The following MYO3A variants were observed in gnomAD, a reference collection of about 807,000 sequenced individuals.
The protein encoded by MYO3A is myosin-IIIa.
Under a neutral mutation model 192.7 loss-of-function variants are expected in MYO3A, and 180 were observed. That is an observed-to-expected ratio of 0.93 (90% CI 0.83 to 1.06). The LOEUF is 1.06. MYO3A is among the 50% of genes least tolerant of loss of function. The pLI, the probability that MYO3A is intolerant of heterozygous loss-of-function variation, is 0.00. For synonymous variants in MYO3A, 628 were observed against 645.3 expected (o/e 0.97, Z 0.41); for missense variants, 1,896 against 1,905.0 (o/e 1.00, Z 0.09).
chr10:26,137,794 A>T (rs1194609900), intron 20 of MYO3A, among the ~76,000 whole-genome samples: 1 of 152,146 alleles, frequency 6.6e-6, no homozygotes, highest in East Asian at 1.9e-4. Flanking sequence ...TATGTGGTTG[A>T]GATAAGGACT....
intron 2 of MYO3A, among the ~76,000 whole-genome samples, chr10:25,938,505 C>CA (rs1391376965): frequency 1.3e-5 from 2 of 152,132 alleles, no homozygotes; most frequent in Non-Finnish European, 2.9e-5. Flanking sequence ...TGGAGAGAGA[C>CA]AAAATTCTAT....
chr10:26,037,191 C>T (rs1303535169), intron 10 of MYO3A, among the ~76,000 whole-genome samples: 1 of 152,142 alleles, frequency 6.6e-6, no homozygotes, highest in African/African-American at 2.4e-5. Context: ...TAGCAGTCAC[C>T]AGCATTTTGT....
intron 32 of MYO3A, among the ~76,000 whole-genome samples, chr10:26,200,602 C>T (rs899468699): frequency 6.6e-6 from 1 of 152,094 alleles, no homozygotes; most frequent in African/African-American, 2.4e-5. Flanking sequence ...ATACAAAGGA[C>T]CATTTTGTTA....
chr10:26,029,531 G>A (rs1347217010), intron 10 of MYO3A, among the ~76,000 whole-genome samples: 1 of 152,088 alleles, frequency 6.6e-6, no homozygotes, highest in Admixed American at 6.5e-5. Context: ...GCCTAGTCTA[G>A]ATATCTTATA....
intron 6 of MYO3A, among the ~76,000 whole-genome samples, chr10:26,009,554 C>G (rs1231894258): frequency 6.6e-6 from 1 of 152,118 alleles, no homozygotes; most frequent in Non-Finnish European, 1.5e-5. Context: ...CCCTACTCCT[C>G]AGGTGCGGGT....
intron 17 of MYO3A, among the ~76,000 whole-genome samples, chr10:26,113,939 G>A (rs1403244010): frequency 2.6e-5 from 4 of 152,156 alleles, no homozygotes; most frequent in Non-Finnish European, 5.9e-5. Flanking sequence ...TGCTTTAAGT[G>A]TCTGCAGAAT....
Position 26,157,519 on chromosome 10 carries a change from T to C in MYO3A, c.2999+4T>C. ...TTTTTGCTAACTTTATAAAGCGGTA[T>C]GTGGATTTCTTTTTCAGTTTCTATT... On this transcript the variant is annotated splice_donor_region_variant and intron_variant, in intron 26 of 34. Transcript: ENST00000642920. 1 of 1,612,052 alleles carries C rather than the reference T, an allele frequency of 6.2e-7. No homozygotes were observed. The highest frequency in any genetic ancestry group is 8.5e-7 in the Non-Finnish European group (1 of 1,178,126).
intron 14 of MYO3A, among the ~76,000 whole-genome samples, chr10:26,083,494 G>C (rs1024665307): frequency 7.9e-5 from 12 of 152,020 alleles, no homozygotes; most frequent in Admixed American, 3.3e-4. Context: ...TCTTTATCTT[G>C]TCTGGTTGCT....
rs1255532457 is a variant in MYO3A, at chr10:26,130,000, CTGT to C, written c.2262+1467_2262+1469del. ...ATTAGTGACTTGCATTGGTAGATCT[CTGT>C]TGTTCTTTTGGTGGTTGGGTAGACT... On this transcript the variant is annotated intron_variant, in intron 20 of 34. Transcript: ENST00000642920. Among the ~76,000 whole-genome samples, 4 of 152,194 alleles carry C rather than the reference CTGT, an allele frequency of 2.6e-5. No individual in the cohort carries two copies. The East Asian group carries it at 7.7e-4, about 29-fold the overall frequency.
chr10:25,938,002 C>T (rs935029815), intron 2 of MYO3A, among the ~76,000 whole-genome samples: 3 of 152,152 alleles, frequency 2.0e-5, no homozygotes, highest in Non-Finnish European at 4.4e-5. Context: ...TTTTAATGTT[C>T]TGTAAGAAAG....
intron 6 of MYO3A, among the ~76,000 whole-genome samples, chr10:26,014,255 T>C (rs542124882): frequency 7.6e-4 from 116 of 152,110 alleles, no homozygotes; most frequent in African/African-American, 2.8e-3. Context: ...AATAAACACA[T>C]GTACATCAAA....
chr10:26,104,063 G>T (rs1837637321), intron 17 of MYO3A, among the ~76,000 whole-genome samples: 3 of 150,742 alleles, frequency 2.0e-5, no homozygotes, highest in South Asian at 4.2e-4. Context: ...TTGAGTTGTA[G>T]AAATTTTTTA....
In MYO3A at chr10:25,938,308, T is replaced by C. The variant is rs1836246629; in HGVS notation, c.-18+2478T>C. Among the ~76,000 whole-genome samples the C allele has an allele frequency of 2.0e-5, 3 of 152,018 alleles. No individual in the cohort carries two copies. In the South Asian group the frequency reaches 6.2e-4, roughly 32 times the overall value. ...CCTGGGGCAGAAAAGGGTTTAACAA[T>C]GTTGTAAGTCCCGTCGGAAGGCAAT... On this transcript the variant is annotated intron_variant, in intron 2 of 34. Coordinates refer to ENST00000642920, the MANE Select transcript of MYO3A (RefSeq NM_017433.5).
At chr10:26,046,894 T>C (rs1349368223) in intron 10 of MYO3A, among the ~76,000 whole-genome samples, 4 of 152,218 alleles carry the variant, frequency 2.6e-5, no homozygotes, top group African/African-American at 9.7e-5. Context: ...CATTAGTAGT[T>C]AGTATTAAAA....
intron 6 of MYO3A, among the ~76,000 whole-genome samples, chr10:26,005,484 TAGATG>T (rs1841133659): frequency 6.6e-6 from 1 of 152,010 alleles, no homozygotes; most frequent in Admixed American, 6.5e-5. Flanking sequence ...CTCTGTAGAG[TAGATG>T]ATAGAAGTGT....
intron 11 of MYO3A, 119 bp downstream of exon 11, chr10:26,067,193 A>C (rs1387163644): frequency 8.5e-6 from 6 of 702,264 alleles, no homozygotes; most frequent in Non-Finnish European, 1.5e-5. Flanking sequence ...TAAGAATCTT[A>C]ACACTCACTC....
At chr10:26,164,369 G>C (rs546329233) in intron 26 of MYO3A, among the ~76,000 whole-genome samples, 1 of 125,866 alleles carries the variant, frequency 7.9e-6, no homozygotes, top group African/African-American at 2.8e-5. Flanking sequence ...CACAGGCGGA[G>C]GATGAAAATC....
chr10:26,104,639 A>T (rs906662942), intron 17 of MYO3A, among the ~76,000 whole-genome samples: 6 of 151,718 alleles, frequency 4.0e-5, no homozygotes, highest in African/African-American at 4.8e-5. Flanking sequence ...TTTTTTTAAA[A>T]TTTTTTTTGG....
chr10:26,174,422 A>G lies in MYO3A; in HGVS notation c.4158A>G (p.Val1386=). ...HQRIVTTPTE[V]ARNTHNLYSY... is the part of the protein sequence containing the mutation. ...GGATTGTCACAACACCAACAGAAGTAGCAAGAAACACTCATAATTTGTATT... is the reference window on the plus strand; with the variant it reads ...GGATTGTCACAACACCAACAGAAGTGGCAAGAAACACTCATAATTTGTATT... The change falls in exon 30 of 35, where the codon GTA becomes GTG. Residue 1386 remains valine (V), a synonymous_variant. Coordinates refer to ENST00000642920, the MANE Select transcript of MYO3A (RefSeq NM_017433.5). 3 of 1,614,262 alleles carry G rather than the reference A, an allele frequency of 1.9e-6. No individual in the cohort carries two copies. The highest frequency in any genetic ancestry group is 2.5e-6 in the Non-Finnish European group (3 of 1,180,050).
Sources: gnomAD v4.1 joint callset for allele counts (sites outside exome capture counted in the v4.1 genomes callset) on GRCh38, gnomAD v4.1.1 for gene constraint, MANE v1.5 for transcripts, NCBI Gene and HGNC (gene_info 2026-07-23, HGNC 2026-07-21) for gene names.